CMC1: variants seen among roughly 807,000 people sequenced by gnomAD.
CMC1 encodes C-X9-C motif containing 1, also known as COX assembly mitochondrial protein homolog.
CMC1 carries 14 observed loss-of-function variants against 14.1 expected under a neutral mutation model. The ratio of observed to expected loss-of-function variants is 0.99; its 90% CI spans 0.66 to 1.55. The LOEUF is 1.55. CMC1 is among the 40% of genes most tolerant of loss of function. The pLI is 0.00. For missense variants in CMC1, 127 were observed against 123.8 expected, an observed-to-expected ratio of 1.03 and a Z score of -0.12; for synonymous variants, 50 against 38.4, an observed-to-expected ratio of 1.30 and a Z score of -1.12.
At chr3:28,247,745 TATAC>T (rs1476691060) in intron 1 of CMC1, among the ~76,000 whole-genome samples, 4 of 152,226 alleles carry the variant, frequency 2.6e-5, no homozygotes, top group Admixed American at 2.0e-4. Context: ...TGCACACATG[TATAC>T]ATACACACAG....
At chr3:28,275,743 C>T (rs1010476024) in intron 2 of CMC1, among the ~76,000 whole-genome samples, 22 of 152,138 alleles carry the variant, frequency 1.4e-4, no homozygotes, top group Admixed American at 1.3e-3. Context: ...ATGAGGAGAT[C>T]GTAGCCGCCC....
At chr3:28,259,930 G>C (rs1699645471) in intron 1 of CMC1, among the ~76,000 whole-genome samples, 1 of 152,060 alleles carries the variant, frequency 6.6e-6, no homozygotes, top group Non-Finnish European at 1.5e-5. Context: ...CAGAGTTTTA[G>C]TATTAAGTAT....
chr3:28,311,415 T>C (rs1702633944), intron 2 of CMC1, among the ~76,000 whole-genome samples: 1 of 152,190 alleles, frequency 6.6e-6, no homozygotes, highest in Admixed American at 6.5e-5. Context: ...GTATATAAAG[T>C]CTGAACCTCA....
chr3:28,281,008 A>G (rs1241707518), intron 2 of CMC1, among the ~76,000 whole-genome samples: 2 of 152,168 alleles, frequency 1.3e-5, no homozygotes, highest in African/African-American at 4.8e-5. Context: ...TGCAACAGAG[A>G]CCATATGGCC....
chr3:28,257,609 C>T (rs375722135), intron 1 of CMC1, among the ~76,000 whole-genome samples: 1 of 152,126 alleles, frequency 6.6e-6, no homozygotes, highest in Admixed American at 6.5e-5. Context: ...ACCTCCGCCT[C>T]CTGGGTTCAA....
intron 2 of CMC1, among the ~76,000 whole-genome samples, chr3:28,272,682 T>C (rs1282180516): frequency 1.3e-5 from 2 of 152,100 alleles, no homozygotes; most frequent in African/African-American, 4.8e-5. Context: ...TGAAGTTTTC[T>C]TTTTTCTTTC....
intron 2 of CMC1, among the ~76,000 whole-genome samples, chr3:28,264,288 G>T (rs1418923630): frequency 1.3e-5 from 2 of 152,128 alleles, no homozygotes; most frequent in Admixed American, 6.6e-5. Context: ...GGGGAGCAGG[G>T]CTGTGTCAAC....
intron 1 of CMC1, among the ~76,000 whole-genome samples, chr3:28,255,751 A>ACACACACG (rs1044136803): frequency 6.6e-6 from 1 of 151,404 alleles, no homozygotes; most frequent in African/African-American, 2.4e-5. Context: ...ACACACACAC[A>ACACACACG]CACGCGACAG....
intron 2 of CMC1, among the ~76,000 whole-genome samples, chr3:28,311,660 C>T (rs1465894078): frequency 2.6e-5 from 4 of 152,124 alleles, no homozygotes; most frequent in Non-Finnish European, 4.4e-5. Flanking sequence ...CTGAGAGTGG[C>T]GCAGCACTTA....
At chr3:28,246,389 G>A (rs1698831478) in intron 1 of CMC1, among the ~76,000 whole-genome samples, 1 of 152,164 alleles carries the variant, frequency 6.6e-6, no homozygotes, top group Admixed American at 6.5e-5. Context: ...GCAGTGGGTT[G>A]GGGGTTGGGA....
Position 28,320,835 on chromosome 3 carries a change from T to A in CMC1, c.*1206T>A, listed in dbSNP as rs1405897492. ...TATATTAAAAGTTATTTTTTCCCCA[T>A]GAGCTGTTAACTCTTCCACAGCCAT... is the stretch of plus-strand genomic sequence containing the variant. On this transcript the variant is annotated 3_prime_UTR_variant, in exon 4 of 4. Transcript: ENST00000466830. 3 of 151,368 alleles carry A rather than the reference T, an allele frequency of 2.0e-5. No homozygotes were observed. The East Asian group carries it at 5.8e-4, about 29-fold the overall frequency. 9.4% of individuals were successfully genotyped at this position (151,368 alleles called of 1,614,324 possible). A position where few individuals can be genotyped will look rare whatever the true frequency, so the allele number is the denominator to read the frequency against.
intron 1 of CMC1, among the ~76,000 whole-genome samples, chr3:28,262,812 T>C (rs903960320): frequency 1.3e-5 from 2 of 152,176 alleles, no homozygotes; most frequent in Non-Finnish European, 2.9e-5. Flanking sequence ...TCACACACGC[T>C]TTGTTTTCAT....
chr3:28,314,409 T>C (rs987616236), intron 2 of CMC1, among the ~76,000 whole-genome samples: 6 of 152,226 alleles, frequency 3.9e-5, no homozygotes, highest in Non-Finnish European at 8.8e-5. Flanking sequence ...TGATTTGACC[T>C]GTGTGGCCAG....
chr3:28,286,968 T>C (rs1158873550), intron 2 of CMC1, among the ~76,000 whole-genome samples: 1 of 152,224 alleles, frequency 6.6e-6, no homozygotes, highest in Non-Finnish European at 1.5e-5. Flanking sequence ...TTTTGTAATA[T>C]ACAGACAGTT....
rs1426026010 is a variant in CMC1 at position 28,241,690 on chromosome 3, T to C, written c.-104T>C. The C allele has an allele frequency of 8.1e-7, 1 of 1,236,048 alleles. No individual in the cohort carries two copies. 76.6% of individuals were successfully genotyped at this position (1,236,048 alleles called of 1,614,324 possible). A position where few individuals can be genotyped will look rare whatever the true frequency, so the allele number is the denominator to read the frequency against. On this transcript the variant is annotated 5_prime_UTR_variant, in exon 1 of 4. Transcript: ENST00000466830. ...GGCCCGTGTTTCTGTTGCGGGAAGC[T>C]CCCGGGGGTCGCACGTGCGTCCGAG... is the stretch of plus-strand genomic sequence containing the variant.
intron 2 of CMC1, among the ~76,000 whole-genome samples, chr3:28,270,072 A>G (rs1577014743): frequency 6.6e-6 from 1 of 152,092 alleles, no homozygotes; most frequent in Admixed American, 6.6e-5. Flanking sequence ...AATGGCTTCC[A>G]GCTCCATCCA....
intron 2 of CMC1, among the ~76,000 whole-genome samples, chr3:28,292,450 TA>T (rs1701521689): frequency 6.6e-6 from 1 of 152,166 alleles, no homozygotes; most frequent in South Asian, 2.1e-4. Flanking sequence ...TGTTGCTAGG[TA>T]AAGCTTTTTC....
intron 2 of CMC1, among the ~76,000 whole-genome samples, chr3:28,281,236 A>G (rs1467095484): frequency 6.6e-6 from 1 of 152,228 alleles, no homozygotes; most frequent in African/African-American, 2.4e-5. Flanking sequence ...GAGTTTAAGT[A>G]TGGCAGGGGA....
chr3:28,324,109 G>A lies in CMC1; in HGVS notation c.*4480G>A, dbSNP rs751209978. The A allele has an allele frequency of 7.7e-5, 124 of 1,610,108 alleles. No individual in the cohort carries two copies. Among genetic ancestry groups the A allele is most frequent in the Non-Finnish European group, 9.7e-5 (114 of 1,177,402 alleles). ...ATGCAGTGGTGGAAGGTTGGGTAAAGGCAAAGTTTTAGTTTTAGTTTCCCC... is the reference window on the plus strand; with the variant it reads ...ATGCAGTGGTGGAAGGTTGGGTAAAAGCAAAGTTTTAGTTTTAGTTTCCCC... On this transcript the variant is annotated 3_prime_UTR_variant, in exon 4 of 4. Coordinates refer to ENST00000466830, the MANE Select transcript of CMC1 (RefSeq NM_182523.2).
Sources: allele counts gnomAD v4.1 joint callset (sites outside exome capture counted in the v4.1 genomes callset), GRCh38; gene constraint gnomAD v4.1.1; transcripts MANE v1.5; gene names NCBI Gene and HGNC (gene_info 2026-07-23, HGNC 2026-07-21).